ISOC2: variants seen among roughly 807,000 people sequenced by gnomAD.
ISOC2 encodes isochorismatase domain containing 2.
Under a neutral mutation model 19.3 loss-of-function variants are expected in ISOC2, and 15 were observed. That is an observed-to-expected ratio of 0.78 (90% CI 0.52 to 1.20). The LOEUF (loss-of-function observed/expected upper bound fraction) is 1.20, where lower values mean the gene tolerates loss of function less well. ISOC2 is among the 50% of genes most tolerant of loss of function. The probability of loss-of-function intolerance (pLI) is 0.00; values close to 1 mark genes in which losing one functional copy is unlikely to be tolerated. For synonymous variants in ISOC2, 106 were observed against 115.8 expected (o/e 0.92, Z 0.54); for missense variants, 285 against 272.4 (o/e 1.05, Z -0.33).
Position 55,453,062 on chromosome 19 carries a change from G to A in ISOC2, c.*246C>T, listed in dbSNP as rs567211279. 1.9e-5 allele frequency: 8 copies of A among 431,022 alleles called. No homozygotes were observed. The highest frequency in any genetic ancestry group is 1.4e-4 in the South Asian group (4 of 28,176). The allele number at this position is 431,022 out of a possible 1,614,324, so 26.7% of individuals were successfully genotyped here. A position where few individuals can be genotyped will look rare whatever the true frequency, so the allele number is the denominator to read the frequency against. On this transcript the variant is annotated 3_prime_UTR_variant, in exon 6 of 6. Transcript: ENST00000425675. ...CTTCTTCCCCTCCCCTTCCCGCCCC[G>A]TGAAGTGGCCCGGGGCCGAGCCCCG... is the stretch of plus-strand genomic sequence containing the variant.
chr19:55,456,058 A>T (rs1986049281), intron 2 of ISOC2: 2 of 586,686 alleles, frequency 3.4e-6, no homozygotes, highest in Admixed American at 6.2e-5. Context: ...CCTGCGTCTG[A>T]GGGAAGAGGA....
rs1042477302 is a variant in ISOC2 at position 55,455,009 on chromosome 19, C to T, written c.517G>A (p.Val173Ile). 9.9e-6 allele frequency: 16 copies of T among 1,612,960 alleles called. No homozygotes were observed. The highest frequency in any genetic ancestry group is 4.0e-5 in the African/African-American group (3 of 74,876). Residue 173 changes from valine to isoleucine, a missense_variant, in exon 5 of 6, where the codon GTC becomes ATC. By Grantham distance (29) the Val-to-Ile change is conservative (BLOSUM62 3). Transcript: ENST00000425675. ...GLILQLVGDA[V>I]HPQFKEIQKL... ...ATTACCTCCTTGAACTGGGGGTGGA[C>T]GGCATCGCCCACAAGCTGCAGAATG...
intron 3 of ISOC2, 51 bp from the exon 4 acceptor site, chr19:55,455,381 G>A: frequency 6.2e-7 from 1 of 1,608,688 alleles, no homozygotes; most frequent in Non-Finnish European, 8.5e-7. Context: ...CGGGGGTCCT[G>A]GGTAAGGAAT....
intron 1 of ISOC2, among the ~76,000 whole-genome samples, chr19:55,460,757 A>C (rs187714744): frequency 8.5e-5 from 13 of 152,350 alleles, no homozygotes; most frequent in African/African-American, 3.1e-4. Flanking sequence ...ATTATTCCAG[A>C]AAAAGTGTTC....
At chr19:55,456,592 C>T in intron 1 of ISOC2, 103 bp from the exon 2 acceptor site, 1 of 1,448,782 alleles carries the variant, frequency 6.9e-7, no homozygotes, top group Non-Finnish European at 9.3e-7. Flanking sequence ...GGGCCCGGGG[C>T]ACCTTGCCAA....
rs1407535362 is a variant in ISOC2, at chr19:55,458,067, A to AG, written c.-3-1579_-3-1578insC. 2.0e-5 allele frequency among the ~76,000 whole-genome samples: 3 copies of AG among 151,774 alleles called. No homozygotes were observed. The East Asian group carries it at 5.8e-4, about 29-fold the overall frequency. On this transcript the variant is annotated intron_variant, in intron 1 of 5. Coordinates refer to ENST00000425675, the MANE Select transcript of ISOC2 (RefSeq NM_001136201.2). ...GTGCATTTTACCACAATTAAAAAAA[A>AG]AAAAGAAAAGAAAGAAAAGAAGAGA...
intron 1 of ISOC2, among the ~76,000 whole-genome samples, chr19:55,461,029 TGAGA>T (rs973670655): frequency 5.3e-5 from 8 of 151,340 alleles, no homozygotes; most frequent in African/African-American, 1.2e-4. Context: ...GGTGGGTGTG[TGAGA>T]GAGAGAGATG....
At chr19:55,455,362 G>A (rs754819613) in intron 3 of ISOC2, 32 bp from the exon 4 acceptor site, 7 of 1,613,422 alleles carry the variant, frequency 4.3e-6, no homozygotes, top group Admixed American at 3.3e-5. Context: ...GGCCAACCCC[G>A]GATAAGAACG....
Position 55,455,077 on chromosome 19 carries a change from C to G in ISOC2, c.449G>C (p.Arg150Pro). ...SQVDRLVALA[R>P]MRQSGAFLST... ...GAGGAAGGCACCACTCTGTCTCATG[C>G]GGGCCAGAGCCACCAGCCGGTCCAC... The change falls in exon 5 of 6, where the codon CGC becomes CCC. Residue 150 changes from arginine to proline, a missense_variant. Arg to Pro is a moderately radical substitution (Grantham distance 103). Coordinates refer to ENST00000425675, the MANE Select transcript of ISOC2 (RefSeq NM_001136201.2). The G allele has an allele frequency of 7.3e-7, 1 of 1,378,076 alleles. No individual in the cohort carries two copies. The highest frequency in any genetic ancestry group is 9.7e-7 in the Non-Finnish European group (1 of 1,028,250). 85.4% of individuals were successfully genotyped at this position (1,378,076 alleles called of 1,614,324 possible). A position where few individuals can be genotyped will look rare whatever the true frequency, so the allele number is the denominator to read the frequency against.
At position 55,455,372 on chromosome 19, in the gene ISOC2, G is replaced by T. The variant is rs144189579; in HGVS notation, c.349-42C>A. The T allele has an allele frequency of 5.0e-6, 8 of 1,611,652 alleles. No individual in the cohort carries two copies. In the African/African-American group the frequency reaches 9.3e-5, roughly 19 times the overall value. On this transcript the variant is annotated intron_variant, in intron 3 of 5. Transcript: ENST00000425675. Reference sequence around the variant, plus strand: ...GTCAGGGCCAACCCCGGATAAGAACGGGGGTCCTGGGTAAGGAATTGGGGA... The same window carrying T: ...GTCAGGGCCAACCCCGGATAAGAACTGGGGTCCTGGGTAAGGAATTGGGGA...
Position 55,455,719 on chromosome 19 carries a change from G to C in ISOC2, c.265C>G (p.Pro89Ala), listed in dbSNP as rs574486398. 1 of 1,610,892 alleles carries C rather than the reference G, an allele frequency of 6.2e-7. No individual in the cohort carries two copies. Among genetic ancestry groups the C allele is most frequent in the Middle Eastern group, 1.7e-4 (1 of 5,906 alleles). The change falls in exon 3 of 6, where the codon CCT becomes GCT. Residue 89 changes from proline to alanine, a missense_variant. Transcript: ENST00000425675. Reference sequence around the variant, plus strand: ...CTGTCCAGCTCCTGCTGCAGGGCAGGCACCATGCTGAAGCAGGTCTTGGCC... The same window carrying C: ...CTGTCCAGCTCCTGCTGCAGGGCAGCCACCATGCTGAAGCAGGTCTTGGCC... The part of the protein sequence containing the change: ...PLAKTCFSMV[P>A]ALQQELDSRP...
At position 55,455,767 on chromosome 19, in the gene ISOC2, C is replaced by T. The variant is rs1330405329; in HGVS notation, c.217G>A (p.Gly73Arg). 1 of 1,581,988 alleles carries T rather than the reference C, an allele frequency of 6.3e-7. No homozygotes were observed. The highest frequency in any genetic ancestry group is 8.6e-7 in the Non-Finnish European group (1 of 1,164,480). Residue 73 changes from glycine (G) to arginine (R), a missense_variant, in exon 3 of 6, where the codon GGG (glycine) becomes AGG (arginine). By Grantham distance (125) the Gly-to-Arg change is moderately radical. Coordinates refer to ENST00000425675, the MANE Select transcript of ISOC2 (RefSeq NM_001136201.2). ...GCCAGCGGCCGAAGGCCCTCAGTCC[C>T]CAGCTCGGGCACCGTGGGGCCCAGG... Reference protein sequence around the residue: ...QGLGPTVPELGTEGLRPLAKT... With the variant: ...QGLGPTVPELRTEGLRPLAKT...
intron 2 of ISOC2, 49 bp downstream of exon 2, chr19:55,456,300 A>G (rs1326707176): frequency 1.2e-5 from 16 of 1,342,304 alleles, no homozygotes; most frequent in Admixed American, 1.8e-5. Flanking sequence ...CTGAGGGTGG[A>G]GGGCTGAGCC....
chr19:55,457,196 C>G (rs1986089864), intron 1 of ISOC2: 1 of 153,766 alleles, frequency 6.5e-6, no homozygotes. Flanking sequence ...GACCACGGAG[C>G]GTGCGATCCC....
Position 55,455,201 on chromosome 19 carries a change from C to T in ISOC2, c.419+59G>A. 7 of 1,569,360 alleles carry T rather than the reference C, an allele frequency of 4.5e-6. No homozygotes were observed. In the South Asian group the frequency reaches 5.7e-5, roughly 13 times the overall value. On this transcript the variant is annotated intron_variant, in intron 4 of 5. Transcript: ENST00000425675. ...CCCTGGTGGGAATGCCGCCTGTGGC[C>T]CTTCCTGGGAGCCCCTGATGGCCCC...
In ISOC2 at chr19:55,456,420, T is replaced by C. The variant is rs1304790611; in HGVS notation, c.67A>G (p.Met23Val). 3.1e-6 allele frequency: 5 copies of C among 1,613,788 alleles called. No individual in the cohort carries two copies. The highest frequency in any genetic ancestry group is 3.4e-6 in the Non-Finnish European group (4 of 1,179,876). Residue 23 changes from methionine (M) to valine (V), a missense_variant, in exon 2 of 6, where the codon ATG becomes GTG. By Grantham distance (21) the Met-to-Val change is conservative. Coordinates refer to ENST00000425675, the MANE Select transcript of ISOC2 (RefSeq NM_001136201.2). ...PGSSVLFLCD[M>V]QEKFRHNIAY... ...ATGTTGTGGCGGAACTTCTCCTGCA[T>C]GTCACACAGGAACAGGACAGAGGAT...
chr19:55,454,279 C>G (rs1016354276), intron 5 of ISOC2: 1 of 152,778 alleles, frequency 6.5e-6, no homozygotes, highest in African/African-American at 2.4e-5. Flanking sequence ...CTCTGCAACT[C>G]CTGCCCCAGC....
rs751246997 is a variant in ISOC2 at position 55,455,336 on chromosome 19, G to T, written c.349-6C>A. 10 of 1,614,018 alleles carry T rather than the reference G, an allele frequency of 6.2e-6. No individual in the cohort carries two copies. The highest frequency in any genetic ancestry group is 1.6e-4 in the Middle Eastern group (1 of 6,082). On this transcript the variant is annotated splice_polypyrimidine_tract_variant and splice_region_variant and intron_variant, in intron 3 of 5. Transcript: ENST00000425675. ...AGGAGGTCCAGGGTCGTGTTCTGTG[G>T]GTAGAGAGAGGTCAGGGCCAACCCC... is the stretch of plus-strand genomic sequence containing the variant.
intron 1 of ISOC2, among the ~76,000 whole-genome samples, chr19:55,458,595 C>A (rs1322197487): frequency 6.6e-6 from 1 of 151,094 alleles, no homozygotes; most frequent in Admixed American, 6.6e-5. Flanking sequence ...GTGGCGCGAT[C>A]TTGGCTCACT....
Sources: allele counts gnomAD v4.1 joint callset (sites outside exome capture counted in the v4.1 genomes callset), GRCh38; gene constraint gnomAD v4.1.1; transcripts MANE v1.5; gene names NCBI Gene and HGNC (gene_info 2026-07-23, HGNC 2026-07-21).